Variants in PDPR observed in about 807,000 individuals in gnomAD.
The protein encoded by PDPR is pyruvate dehydrogenase phosphatase regulatory subunit, also known as pyruvate dehydrogenase phosphatase regulatory subunit, mitochondrial.
PDPR carries 50 observed loss-of-function variants against 102.2 expected under a neutral mutation model. That is an observed-to-expected ratio of 0.49 (90% CI 0.39 to 0.62). The LOEUF (loss-of-function observed/expected upper bound fraction) is 0.62, where lower values mean the gene tolerates loss of function less well. Ranked by LOEUF, PDPR falls within the 20% of genes least tolerant of loss-of-function variation. The probability of loss-of-function intolerance (pLI) is 0.00; values close to 1 mark genes in which losing one functional copy is unlikely to be tolerated. For missense variants in PDPR, 625 were observed against 1,098.2 expected (o/e 0.57, Z 6.09); for synonymous variants, 259 against 406.0 (o/e 0.64, Z 4.35).
At chr16:70,138,824 T>A (rs2549109) in intron 10 of PDPR, 75 bp from the exon 11 acceptor site, 42 of 1,600,210 alleles carry the variant, frequency 2.6e-5, no homozygotes, top group African/African-American at 1.2e-4. Context: ...TGATTCTGTT[T>A]GTTCTCGATT....
At chr16:70,153,295 T>A in intron 17 of PDPR, 96 bp from the exon 18 acceptor site, 1 of 1,301,130 alleles carries the variant, frequency 7.7e-7, no homozygotes, top group Non-Finnish European at 1.1e-6. Flanking sequence ...TCCTCTCTTG[T>A]CCATGTTAAT....
chr16:70,128,363 G>A (rs1240123801), intron 4 of PDPR, among the ~76,000 whole-genome samples: 2 of 152,362 alleles, frequency 1.3e-5, no homozygotes, highest in South Asian at 2.1e-4. Context: ...CGGTAGCTGG[G>A]ATTACAGGCG....
chr16:70,146,575 C>T (rs1271263490), intron 16 of PDPR, among the ~76,000 whole-genome samples: 43 of 119,144 alleles, frequency 3.6e-4, no homozygotes, highest in African/African-American at 1.3e-3. Context: ...GCCGAGAACA[C>T]GCCACTGCAC....
Position 70,148,487 on chromosome 16 carries a change from T to C in PDPR, c.1986T>C (p.Asn662=), listed in dbSNP as rs62050978. ...AGGAGATGAGTGTGGGCTATGCAAA[T>C]GGGATCCGGGTGATGAGCATGACGC... ...FCKEMSVGYA[N]GIRVMSMTHT... Residue 662 remains asparagine, a synonymous_variant, in exon 17 of 19, where the codon AAT becomes AAC. Coordinates refer to ENST00000288050, the MANE Select transcript of PDPR (RefSeq NM_017990.5). 3.3e-6 allele frequency: 5 copies of C among 1,517,664 alleles called. No homozygotes were observed. Among genetic ancestry groups the C allele is most frequent in the Non-Finnish European group, 4.5e-6 (5 of 1,102,490 alleles). 94.0% of individuals were successfully genotyped at this position (1,517,664 alleles called of 1,614,324 possible). A position where few individuals can be genotyped will look rare whatever the true frequency, so the allele number is the denominator to read the frequency against.
chr16:70,134,483 C>A (rs1156909621), intron 9 of PDPR, among the ~76,000 whole-genome samples: 1 of 150,848 alleles, frequency 6.6e-6, no homozygotes, highest in African/African-American at 2.4e-5. Flanking sequence ...CCTCGGCCTC[C>A]CAAAGTGCTG....
rs1966243181 is a variant in PDPR, at chr16:70,146,371, C to T, written c.1962+143C>T. On this transcript the variant is annotated intron_variant, in intron 16 of 18. Coordinates refer to ENST00000288050, the MANE Select transcript of PDPR (RefSeq NM_017990.5). Reference sequence around the variant, plus strand: ...AGGTGGCACATGCCTGTAATCCTAGCACTTTGGGAGGCCGAGGCAGGTGGA... The same window carrying T: ...AGGTGGCACATGCCTGTAATCCTAGTACTTTGGGAGGCCGAGGCAGGTGGA... The T allele has an allele frequency of 5.5e-6, 7 of 1,270,376 alleles. No homozygotes were observed. The South Asian group carries it at 7.2e-5, about 13-fold the overall frequency. The allele number at this position is 1,270,376 out of a possible 1,614,324, so 78.7% of individuals were successfully genotyped here.
At chr16:70,152,472 C>T (rs918567090) in intron 17 of PDPR, among the ~76,000 whole-genome samples, 13 of 152,266 alleles carry the variant, frequency 8.5e-5, no homozygotes, top group South Asian at 2.1e-4. Context: ...GAGCCGAGAT[C>T]GCGCCACTTC....
At chr16:70,134,603 G>A (rs1402665694) in intron 9 of PDPR, among the ~76,000 whole-genome samples, 2 of 151,274 alleles carry the variant, frequency 1.3e-5, no homozygotes, top group East Asian at 2.0e-4. Flanking sequence ...GACCAGCCTG[G>A]CCAACATGGC....
chr16:70,130,650 A>G, intron 7 of PDPR, 106 bp downstream of exon 7: 2 of 1,423,668 alleles, frequency 1.4e-6, no homozygotes, highest in Non-Finnish European at 1.9e-6. Context: ...AGATATCAGT[A>G]ACTACGCTGT....
At chr16:70,144,066 A>G (rs1810557584) in intron 14 of PDPR, among the ~76,000 whole-genome samples, 1 of 152,246 alleles carries the variant, frequency 6.6e-6, no homozygotes, top group African/African-American at 2.4e-5. Context: ...CAGTTTTTGT[A>G]TATTTTGTAG....
At position 70,153,390 on chromosome 16, in the gene PDPR, G is replaced by T; in HGVS notation, c.2053-1G>T. 2 of 1,612,314 alleles carry T rather than the reference G, an allele frequency of 1.2e-6. No homozygotes were observed. Among genetic ancestry groups the T allele is most frequent in the Non-Finnish European group, 1.7e-6 (2 of 1,179,230 alleles). ...TATGAACTTTCTGTCTCTTCCTATA[G>T]TACGCCCTGCATGTATACAATGAAG... is the stretch of plus-strand genomic sequence containing the variant. On this transcript the variant is annotated splice_acceptor_variant, in intron 17 of 18. Coordinates refer to ENST00000288050, the MANE Select transcript of PDPR (RefSeq NM_017990.5). LOFTEE classifies it high-confidence loss of function.
chr16:70,131,878 C>T (rs568692932), intron 8 of PDPR: 27 of 1,443,844 alleles, frequency 1.9e-5, no homozygotes, highest in South Asian at 1.5e-4. Context: ...GTGGGAGTTA[C>T]GTGGTTTGCT....
At chr16:70,154,376 G>C (rs1966883781) in intron 18 of PDPR, among the ~76,000 whole-genome samples, 4 of 152,252 alleles carry the variant, frequency 2.6e-5, no homozygotes, top group Admixed American at 2.6e-4. Context: ...AGGTGCGGTG[G>C]CTCACAACTG....
intron 3 of PDPR, 89 bp from the exon 4 acceptor site, chr16:70,127,171 T>G: frequency 6.5e-7 from 1 of 1,542,968 alleles, no homozygotes; most frequent in Non-Finnish European, 8.7e-7. Context: ...CATCTTTTGG[T>G]GTTAGAAACA....
Position 70,117,842 on chromosome 16 carries a change from C to T in PDPR, c.-32-2619C>T, listed in dbSNP as rs148459146. On this transcript the variant is annotated intron_variant, in intron 2 of 18. Coordinates refer to ENST00000288050, the MANE Select transcript of PDPR (RefSeq NM_017990.5). ...GTGTGGTGGTTCACGCCTATAATCC[C>T]AGCACTTTGGGAGGCCAAGGCCAGT... Among the ~76,000 whole-genome samples, 635 of 152,216 alleles carry T rather than the reference C, an allele frequency of 4.2e-3. 11 individuals are homozygous for T. Among genetic ancestry groups the T allele is most frequent in the African/African-American group, 0.014 (592 of 41,542 alleles).
chr16:70,115,527 A>C (rs1962550518), intron 2 of PDPR, among the ~76,000 whole-genome samples: 3 of 152,170 alleles, frequency 2.0e-5, no homozygotes, highest in African/African-American at 7.2e-5. Context: ...GACCGTGGGA[A>C]TCTGTCATTT....
intron 3 of PDPR, among the ~76,000 whole-genome samples, chr16:70,124,534 C>T (rs1243844863): frequency 6.6e-6 from 1 of 152,264 alleles, no homozygotes; most frequent in Non-Finnish European, 1.5e-5. Context: ...ATTACCAGTG[C>T]CCAGACCTCT....
Position 70,159,794 on chromosome 16 carries a change from T to C in PDPR, c.*2915T>C. On this transcript the variant is annotated 3_prime_UTR_variant, in exon 19 of 19. Transcript: ENST00000288050. Reference sequence around the variant, plus strand: ...AGGGGAGGCCAGTAGATGCCCCAGATCCAGAGCCGTGGCTGCAAATCCAGC... The same window carrying C: ...AGGGGAGGCCAGTAGATGCCCCAGACCCAGAGCCGTGGCTGCAAATCCAGC... 1 of 153,014 alleles carries C rather than the reference T, an allele frequency of 6.5e-6. No individual in the cohort carries two copies. Among genetic ancestry groups the C allele is most frequent in the Middle Eastern group, 3.3e-3 (1 of 300 alleles). The allele number at this position is 153,014 out of a possible 1,614,324, so 9.5% of individuals were successfully genotyped here.
In PDPR at chr16:70,137,173, A is replaced by G. The variant is rs370210543; in HGVS notation, c.1190+787A>G. Among the ~76,000 whole-genome samples the G allele has an allele frequency of 1.3e-3, 196 of 152,266 alleles. No individual in the cohort carries two copies. In the Middle Eastern group the frequency reaches 0.017, roughly 13 times the overall value. On this transcript the variant is annotated intron_variant, in intron 10 of 18. Coordinates refer to ENST00000288050, the MANE Select transcript of PDPR (RefSeq NM_017990.5). Reference sequence around the variant, plus strand: ...CGAGACCACTCTGGCTAACACAGTGAAACCCCATCTCTACTAAAAATACAC... The same window carrying G: ...CGAGACCACTCTGGCTAACACAGTGGAACCCCATCTCTACTAAAAATACAC...
Sources: allele counts gnomAD v4.1 joint callset (sites outside exome capture counted in the v4.1 genomes callset), GRCh38; gene constraint gnomAD v4.1.1; transcripts MANE v1.5; gene names NCBI Gene and HGNC (gene_info 2026-07-23, HGNC 2026-07-21).